ERI1: variants seen among roughly 807,000 people sequenced by gnomAD.
ERI1 encodes the protein 3'-5' exoribonuclease 1.
A neutral mutation model predicts 39.7 loss-of-function variants in ERI1; 39 were observed. The ratio of observed to expected loss-of-function variants is 0.98; its 90% confidence interval spans 0.76 to 1.28. ERI1 has a LOEUF of 1.28. ERI1 is among the 50% of genes most tolerant of loss of function. ERI1 has a pLI of 0.00. For synonymous variants in ERI1, 204 were observed against 149.6 expected, an observed-to-expected ratio of 1.36 and a Z score of -2.65; for missense variants, 581 against 416.9, an observed-to-expected ratio of 1.39 and a Z score of -3.43.
At chr8:9,049,196 C>G (rs1463358814) in intron 3 of ERI1, among the ~76,000 whole-genome samples, 1 of 151,198 alleles carries the variant, frequency 6.6e-6, no homozygotes, top group Non-Finnish European at 1.5e-5. Flanking sequence ...ATTTGCCCGG[C>G]GTGGTGGCGG....
rs1044018197 is a variant in ERI1 at position 9,002,905 on chromosome 8, C to T, written c.-159C>T. The stretch of plus-strand genomic sequence containing the variant: ...CCCGGCGTGTGGACGCCACACGCTC[C>T]CGGAAGTGGGAGGTGGCCGCTGGAG... On this transcript the variant is annotated 5_prime_UTR_variant, in exon 1 of 7. Transcript: ENST00000250263. 2 of 461,184 alleles carry T rather than the reference C, an allele frequency of 4.3e-6. No individual in the cohort carries two copies. The highest frequency in any genetic ancestry group is 7.0e-6 in the Non-Finnish European group (2 of 285,204). The allele number at this position is 461,184 out of a possible 1,614,324, so 28.6% of individuals were successfully genotyped here.
downstream of ERI1, among the ~76,000 whole-genome samples, chr8:9,038,218 T>C (rs191605888): frequency 2.4e-4 from 37 of 152,344 alleles, no homozygotes; most frequent in African/African-American, 8.7e-4. Context: ...GGAACTTCTA[T>C]TTTTGGTGCA....
intron 3 of ERI1, among the ~76,000 whole-genome samples, chr8:9,058,995 G>A (rs1458865739): frequency 1.3e-5 from 2 of 152,074 alleles, no homozygotes; most frequent in African/African-American, 2.4e-5. Flanking sequence ...GTACAGGTGG[G>A]CTGAGTCCAA....
intron 3 of ERI1, among the ~76,000 whole-genome samples, chr8:9,076,490 C>T (rs1799215176): frequency 6.6e-6 from 1 of 152,188 alleles, no homozygotes; most frequent in South Asian, 2.1e-4. Context: ...CAAGTGAGAA[C>T]TCATCTGGGC....
At chr8:9,026,352 T>C (rs1797155059) in intron 6 of ERI1, among the ~76,000 whole-genome samples, 1 of 152,142 alleles carries the variant, frequency 6.6e-6, no homozygotes, top group Non-Finnish European at 1.5e-5. Context: ...TCTCCAGAAC[T>C]CTCATATTCC....
chr8:9,029,396 T>G (rs567258708), intron 6 of ERI1, among the ~76,000 whole-genome samples: 1 of 152,276 alleles, frequency 6.6e-6, no homozygotes, highest in South Asian at 2.1e-4. Flanking sequence ...TGGCATGATC[T>G]CAGCTCGCTG....
intron 3 of ERI1, among the ~76,000 whole-genome samples, chr8:9,089,713 A>G (rs1214375668): frequency 1.3e-5 from 2 of 152,174 alleles, no homozygotes; most frequent in Non-Finnish European, 2.9e-5. Context: ...GCTGTACAAA[A>G]TGACGAGGTT....
rs1032903556 is a variant in ERI1 at position 9,031,838 on chromosome 8, A to C, written c.*1804A>C. ...AGTGGTGCGATCTTGGCTCACTGCA[A>C]CCTCCGCCTCCTGGGCTCAGGTGAT... On this transcript the variant is annotated 3_prime_UTR_variant, in exon 7 of 7. Coordinates refer to ENST00000250263, the MANE Select transcript of ERI1 (RefSeq NM_153332.4). 6.6e-6 allele frequency: 1 copy of C among 152,110 alleles called. No individual in the cohort carries two copies. 9.4% of individuals were successfully genotyped at this position (152,110 alleles called of 1,614,324 possible).
intron 3 of ERI1, among the ~76,000 whole-genome samples, chr8:9,039,319 G>A (rs972170818): frequency 6.6e-6 from 1 of 152,104 alleles, no homozygotes; most frequent in African/African-American, 2.4e-5. Flanking sequence ...TACAGATTTA[G>A]TCATTCATTT....
intron 3 of ERI1, among the ~76,000 whole-genome samples, chr8:9,072,127 A>G (rs1195815509): frequency 6.6e-6 from 1 of 152,198 alleles, no homozygotes; most frequent in Non-Finnish European, 1.5e-5. Context: ...AATGAAATAC[A>G]GAATACCATG....
At chr8:9,058,805 C>A (rs1563363140) in intron 3 of ERI1, among the ~76,000 whole-genome samples, 3 of 149,360 alleles carry the variant, frequency 2.0e-5, no homozygotes, top group South Asian at 2.1e-4. Context: ...GTGAAATAGG[C>A]CAAAAAAAAT....
chr8:9,044,559 T>C (rs559300796), intron 3 of ERI1, among the ~76,000 whole-genome samples: 11 of 152,204 alleles, frequency 7.2e-5, no homozygotes, highest in Non-Finnish European at 1.3e-4. Flanking sequence ...GTGGCCAAAG[T>C]ACACAGAGGA....
At chr8:9,014,137 G>GT (rs1816977766) in intron 3 of ERI1, among the ~76,000 whole-genome samples, 1 of 152,104 alleles carries the variant, frequency 6.6e-6, no homozygotes, top group African/African-American at 2.4e-5. Context: ...TCCTCTGATT[G>GT]TTTCCTGTCT....
intron 2 of ERI1, 35 bp from the exon 3 acceptor site, chr8:9,011,507 T>A: frequency 7.0e-7 from 1 of 1,434,412 alleles, no homozygotes; most frequent in Non-Finnish European, 9.6e-7. Flanking sequence ...CTGTAGAATT[T>A]ACCTAAGTGT....
intron 6 of ERI1, among the ~76,000 whole-genome samples, chr8:9,027,571 C>T (rs1457497221): frequency 6.6e-6 from 1 of 152,104 alleles, no homozygotes; most frequent in Non-Finnish European, 1.5e-5. Flanking sequence ...GTCATAAAGC[C>T]TTTTCCATAT....
At chr8:9,036,444 T>A (rs1218394550), downstream of ERI1, among the ~76,000 whole-genome samples, 1 of 152,222 alleles carries the variant, frequency 6.6e-6, no homozygotes, top group Non-Finnish European at 1.5e-5. Flanking sequence ...TGAACACTCA[T>A]GATTGTTACC....
chr8:9,013,456 C>A (rs928214711), intron 3 of ERI1, among the ~76,000 whole-genome samples: 1 of 151,896 alleles, frequency 6.6e-6, no homozygotes, highest in East Asian at 1.9e-4. Flanking sequence ...TTGCAGTTTT[C>A]TTTGCTGGTT....
chr8:9,094,904 CG>C (rs1799826497), intron 3 of ERI1, among the ~76,000 whole-genome samples: 1 of 151,858 alleles, frequency 6.6e-6, no homozygotes, highest in South Asian at 2.1e-4. Flanking sequence ...ATATGTGTTA[CG>C]GGGGTTGGGA....
intron 3 of ERI1, among the ~76,000 whole-genome samples, chr8:9,077,469 CAG>C (rs1799243274): frequency 6.6e-6 from 1 of 151,722 alleles, no homozygotes. Flanking sequence ...AACTGTGACT[CAG>C]AGGAGGACCA....
Sources: allele counts gnomAD v4.1 joint callset (sites outside exome capture counted in the v4.1 genomes callset), GRCh38; gene constraint gnomAD v4.1.1; transcripts MANE v1.5; gene names NCBI Gene and HGNC (gene_info 2026-07-23, HGNC 2026-07-21).